The following PDE4B variants were observed in gnomAD, a reference collection of about 807,000 sequenced individuals.
PDE4B encodes the protein phosphodiesterase 4B, also known as 3',5'-cyclic-AMP phosphodiesterase 4B.
Under a neutral mutation model 82.2 loss-of-function variants are expected in PDE4B, and 20 were observed. The ratio of observed to expected loss-of-function variants is 0.24; its 90% CI spans 0.17 to 0.35. PDE4B has a LOEUF of 0.35. Among genes scored for constraint, PDE4B ranks in the 10% least tolerant of loss-of-function variants. PDE4B has a pLI of 1.00. For missense variants in PDE4B, 655 were observed against 907.2 expected (o/e 0.72, Z 3.57); for synonymous variants, 320 against 318.9 (o/e 1.00, Z -0.04).
chr1:66,204,802 A>G (rs1417260225), intron 3 of PDE4B, among the ~76,000 whole-genome samples: 1 of 152,192 alleles, frequency 6.6e-6, no homozygotes, highest in East Asian at 1.9e-4. Flanking sequence ...TTCCAGAGGG[A>G]GGCAATGCCT....
intron 3 of PDE4B, among the ~76,000 whole-genome samples, chr1:66,236,510 A>G (rs1652468707): frequency 6.6e-6 from 1 of 151,986 alleles, no homozygotes; most frequent in African/African-American, 2.4e-5. Context: ...ATTTCCTTTA[A>G]CATTTCTTGT....
chr1:66,301,001 T>C (rs1657849549), intron 7 of PDE4B, among the ~76,000 whole-genome samples: 1 of 152,136 alleles, frequency 6.6e-6, no homozygotes, highest in Admixed American at 6.5e-5. Context: ...TTCTCTCTAG[T>C]AAAGAGCGAA....
chr1:66,203,605 C>T (rs1084499), intron 3 of PDE4B, among the ~76,000 whole-genome samples: 28,688 of 152,108 alleles, frequency 0.19, 2,829 homozygotes, highest in Non-Finnish European at 0.22. Flanking sequence ...ATTTCATCTT[C>T]CATCACTGAT....
intron 3 of PDE4B, among the ~76,000 whole-genome samples, chr1:66,165,523 A>C (rs993156370): frequency 6.6e-6 from 1 of 152,136 alleles, no homozygotes; most frequent in African/African-American, 2.4e-5. Context: ...ACTAAAAAAA[A>C]ACTAATAAAT....
At chr1:66,139,735 CA>C (rs10654385) in intron 3 of PDE4B, among the ~76,000 whole-genome samples, 15,428 of 99,874 alleles carry the variant, frequency 0.15, 778 homozygotes, top group East Asian at 0.18. Context: ...CCTCCCCCCT[CA>C]AAAAAAAAAA....
At chr1:65,933,850 T>A (rs1264705534) in intron 3 of PDE4B, among the ~76,000 whole-genome samples, 1 of 152,170 alleles carries the variant, frequency 6.6e-6, no homozygotes, top group Non-Finnish European at 1.5e-5. Context: ...AACTGTTGGA[T>A]GAATCACTTT....
At chr1:65,933,091 C>T (rs1376614964) in intron 3 of PDE4B, among the ~76,000 whole-genome samples, 1 of 151,656 alleles carries the variant, frequency 6.6e-6, no homozygotes, top group East Asian at 1.9e-4. Context: ...GCACATTCTA[C>T]TCTAGGAAGC....
intron 7 of PDE4B, among the ~76,000 whole-genome samples, chr1:66,272,127 C>G (rs141627567): frequency 6.6e-6 from 1 of 152,232 alleles, no homozygotes. Context: ...CAAACCCTAG[C>G]TGCTGCCTGC....
At chr1:66,262,376 G>A (rs1054809590) in intron 6 of PDE4B, among the ~76,000 whole-genome samples, 6 of 152,296 alleles carry the variant, frequency 3.9e-5, no homozygotes, top group Admixed American at 6.5e-5. Context: ...AGGAGGTTCC[G>A]TGAATTGCCC....
chr1:66,368,978 T>C lies in PDE4B; in HGVS notation c.1845+9T>C, dbSNP rs1663462983. 1 of 1,591,600 alleles carries C rather than the reference T, an allele frequency of 6.3e-7. No individual in the cohort carries two copies. Among genetic ancestry groups the C allele is most frequent in the African/African-American group, 1.3e-5 (1 of 74,140 alleles). ...CTGTGGAAAAATCCCAGGTATCTAA[T>C]ATGAGATTTTCAAAGTTTTTGTGAG... On this transcript the variant is annotated intron_variant, in intron 16 of 16. Coordinates refer to ENST00000341517, the MANE Select transcript of PDE4B (RefSeq NM_002600.4).
At chr1:66,044,857 T>C (rs1654601346) in intron 3 of PDE4B, among the ~76,000 whole-genome samples, 1 of 151,752 alleles carries the variant, frequency 6.6e-6, no homozygotes, top group Non-Finnish European at 1.5e-5. Flanking sequence ...ATCATTATTA[T>C]AAACATCAGC....
At chr1:66,075,406 A>C (rs1216506046) in intron 3 of PDE4B, among the ~76,000 whole-genome samples, 1 of 151,986 alleles carries the variant, frequency 6.6e-6, no homozygotes, top group Non-Finnish European at 1.5e-5. Context: ...TAAACTTATT[A>C]AGGAAGTATC....
chr1:66,082,029 A>C (rs1005061979), intron 3 of PDE4B, among the ~76,000 whole-genome samples: 3 of 152,118 alleles, frequency 2.0e-5, no homozygotes, highest in African/African-American at 7.2e-5. Context: ...ACAGTCTTAT[A>C]ATACAAAAGG....
At chr1:66,016,776 C>G (rs1479215070) in intron 3 of PDE4B, among the ~76,000 whole-genome samples, 1 of 152,166 alleles carries the variant, frequency 6.6e-6, no homozygotes. Flanking sequence ...TTCTAATTTT[C>G]TAAGAGTTGA....
chr1:66,314,739 A>G (rs1247621082), intron 7 of PDE4B, among the ~76,000 whole-genome samples: 2 of 152,108 alleles, frequency 1.3e-5, no homozygotes, highest in Non-Finnish European at 2.9e-5. Context: ...CACTCTATTC[A>G]GTGAAACCTA....
intron 1 of PDE4B, among the ~76,000 whole-genome samples, chr1:65,847,784 A>C (rs1646283814): frequency 6.6e-6 from 1 of 152,220 alleles, no homozygotes; most frequent in Non-Finnish European, 1.5e-5. Flanking sequence ...ATCATTTGAC[A>C]TCAAGCCCTG....
intron 3 of PDE4B, among the ~76,000 whole-genome samples, chr1:66,072,883 C>T (rs1185630598): frequency 6.6e-6 from 1 of 151,980 alleles, no homozygotes; most frequent in African/African-American, 2.4e-5. Flanking sequence ...GATCTCAGAG[C>T]AAACACCCCT....
At chr1:66,095,361 T>C (rs1250579445) in intron 3 of PDE4B, among the ~76,000 whole-genome samples, 1 of 151,898 alleles carries the variant, frequency 6.6e-6, no homozygotes, top group Non-Finnish European at 1.5e-5. Flanking sequence ...GTGTCTAACA[T>C]AGCATTGAGT....
intron 4 of PDE4B, among the ~76,000 whole-genome samples, chr1:66,252,805 G>C (rs1418637520): frequency 6.6e-6 from 1 of 152,186 alleles, no homozygotes; most frequent in African/African-American, 2.4e-5. Context: ...TAGGAGTAGT[G>C]GTGCGTGCTT....
Sources: allele counts gnomAD v4.1 joint callset (sites outside exome capture counted in the v4.1 genomes callset), GRCh38; gene constraint gnomAD v4.1.1; transcripts MANE v1.5; gene names NCBI Gene and HGNC (gene_info 2026-07-23, HGNC 2026-07-21).